The following DYNC1I1 variants were observed in gnomAD, a reference collection of about 807,000 sequenced individuals.
The protein encoded by DYNC1I1 is dynein cytoplasmic 1 intermediate chain 1, also known as cytoplasmic dynein 1 intermediate chain 1.
Under a neutral mutation model 86.6 loss-of-function variants are expected in DYNC1I1, and 43 were observed. The observed-to-expected ratio is 0.50, with a 90% CI of 0.39 to 0.64. The LOEUF is 0.64. DYNC1I1 is among the 30% of genes least tolerant of loss of function. DYNC1I1 has a pLI of 0.00. For missense variants in DYNC1I1, 604 were observed against 788.8 expected (o/e 0.77, Z 2.81); for synonymous variants, 262 against 283.7 (o/e 0.92, Z 0.77).
chr7:95,894,462 G>T (rs1163384043), intron 6 of DYNC1I1, among the ~76,000 whole-genome samples: 2 of 151,992 alleles, frequency 1.3e-5, no homozygotes, highest in African/African-American at 4.8e-5. Flanking sequence ...TGAATTTGGG[G>T]GGGGGACATA....
At chr7:96,083,731 C>T (rs1346602624) in intron 16 of DYNC1I1, among the ~76,000 whole-genome samples, 1 of 152,112 alleles carries the variant, frequency 6.6e-6, no homozygotes, top group Non-Finnish European at 1.5e-5. Flanking sequence ...CAAGAAGAAA[C>T]AAATAAGGTA....
intron 6 of DYNC1I1, among the ~76,000 whole-genome samples, chr7:95,949,822 A>G (rs1792504389): frequency 6.6e-6 from 1 of 152,206 alleles, no homozygotes; most frequent in Non-Finnish European, 1.5e-5. Context: ...AACATCCATC[A>G]TAACCAAAGT....
At chr7:95,787,271 G>T (rs1028254752) in intron 1 of DYNC1I1, among the ~76,000 whole-genome samples, 1 of 152,136 alleles carries the variant, frequency 6.6e-6, no homozygotes, top group Non-Finnish European at 1.5e-5. Flanking sequence ...TGGGCCCTTG[G>T]TTTGGGCTAG....
chr7:95,964,531 C>A (rs1792957408), intron 6 of DYNC1I1, among the ~76,000 whole-genome samples: 1 of 152,194 alleles, frequency 6.6e-6, no homozygotes, highest in South Asian at 2.1e-4. Context: ...ATGCCCAGCC[C>A]TTTCCTAGGC....
In DYNC1I1 at chr7:95,809,124, A is replaced by G. The variant is rs146709109; in HGVS notation, c.109-1268A>G. ...GCTTTCAAATGGTAGTTTTCCCTCT[A>G]ATGACAGATAGACTTCAAAAATATG... is the stretch of plus-strand genomic sequence containing the variant. On this transcript the variant is annotated intron_variant, in intron 2 of 16. Transcript: ENST00000447467. 6.2e-3 allele frequency among the ~76,000 whole-genome samples: 942 copies of G among 152,294 alleles called. 16 individuals are homozygous for G. Among genetic ancestry groups the G allele is most frequent in the African/African-American group, 0.022 (908 of 41,584 alleles).
In DYNC1I1 at chr7:95,863,314, C is replaced by T. The variant is rs117214471; in HGVS notation, c.375-6569C>T. Among the ~76,000 whole-genome samples, 971 of 151,948 alleles carry T rather than the reference C, an allele frequency of 6.4e-3. 6 individuals are homozygous for T. The highest frequency in any genetic ancestry group is 0.011 in the Non-Finnish European group (753 of 67,992). On this transcript the variant is annotated intron_variant, in intron 5 of 16. Transcript: ENST00000447467. ...CATTTATTTCCAAGTAAGTAGAAAA[C>T]ATATTATTAGTGGTTGTCAAGGGCT...
chr7:95,809,565 G>A (rs530979558), intron 2 of DYNC1I1, among the ~76,000 whole-genome samples: 1 of 152,210 alleles, frequency 6.6e-6, no homozygotes, highest in African/African-American at 2.4e-5. Flanking sequence ...GAAGAGACTT[G>A]GAATTTTTAA....
At chr7:95,817,441 C>T (rs975661548) in intron 4 of DYNC1I1, among the ~76,000 whole-genome samples, 1 of 152,030 alleles carries the variant, frequency 6.6e-6, no homozygotes, top group African/African-American at 2.4e-5. Context: ...ACACAACCTA[C>T]CCCATAAGGT....
At chr7:95,782,711 T>A (rs1194725170) in intron 1 of DYNC1I1, among the ~76,000 whole-genome samples, 1 of 152,204 alleles carries the variant, frequency 6.6e-6, no homozygotes, top group Non-Finnish European at 1.5e-5. Flanking sequence ...TTGTCCGGCA[T>A]CCAGGAAGAA....
At chr7:95,947,591 T>C (rs1792436572) in intron 6 of DYNC1I1, among the ~76,000 whole-genome samples, 1 of 152,086 alleles carries the variant, frequency 6.6e-6, no homozygotes, top group Admixed American at 6.5e-5. Flanking sequence ...CCTCCATGTG[T>C]GTTACTCACT....
At chr7:95,915,160 T>C (rs911893110) in intron 6 of DYNC1I1, among the ~76,000 whole-genome samples, 3 of 152,270 alleles carry the variant, frequency 2.0e-5, no homozygotes, top group Non-Finnish European at 4.4e-5. Context: ...GACATTTTTG[T>C]ATGGTCACAA....
chr7:95,814,491 A>C (rs1346595684), intron 4 of DYNC1I1, among the ~76,000 whole-genome samples: 1 of 152,072 alleles, frequency 6.6e-6, no homozygotes, highest in East Asian at 1.9e-4. Flanking sequence ...TTGCCTCCGT[A>C]TGTATTACTG....
At position 95,980,362 on chromosome 7, in the gene DYNC1I1, G is replaced by C. The variant is rs562021601; in HGVS notation, c.580+2761G>C. Among the ~76,000 whole-genome samples the C allele has an allele frequency of 2.0e-5, 3 of 151,206 alleles. No individual in the cohort carries two copies. In the East Asian group the frequency reaches 5.8e-4, roughly 29 times the overall value. ...TTGCAAACTTTTGAAAGAATCTCTA[G>C]CAGATATAATCGTGGCGCCATTCAC... On this transcript the variant is annotated intron_variant, in intron 7 of 16. Transcript: ENST00000447467.
intron 6 of DYNC1I1, among the ~76,000 whole-genome samples, chr7:95,904,149 G>C (rs1426086914): frequency 6.6e-6 from 1 of 152,126 alleles, no homozygotes; most frequent in Non-Finnish European, 1.5e-5. Flanking sequence ...AGTTTAGACT[G>C]CCCTAAATCT....
At chr7:95,968,770 C>T (rs1793083270) in intron 6 of DYNC1I1, among the ~76,000 whole-genome samples, 1 of 151,406 alleles carries the variant, frequency 6.6e-6, no homozygotes. Context: ...GGAGTCCCTC[C>T]TTATTTTCCA....
intron 14 of DYNC1I1, among the ~76,000 whole-genome samples, chr7:96,047,717 A>G (rs1789260058): frequency 6.6e-6 from 1 of 152,162 alleles, no homozygotes; most frequent in Non-Finnish European, 1.5e-5. Context: ...AGGCCAAGGA[A>G]GGATTTTATT....
At chr7:95,905,122 A>G (rs1341988192) in intron 6 of DYNC1I1, among the ~76,000 whole-genome samples, 1 of 152,214 alleles carries the variant, frequency 6.6e-6, no homozygotes, top group Non-Finnish European at 1.5e-5. Flanking sequence ...TTTCACTTAC[A>G]ATGCCTCCAC....
At chr7:95,980,050 C>G (rs1421534714) in intron 7 of DYNC1I1, among the ~76,000 whole-genome samples, 1 of 152,114 alleles carries the variant, frequency 6.6e-6, no homozygotes, top group East Asian at 1.9e-4. Context: ...ACCACCACCC[C>G]AGCCCCAATC....
chr7:96,041,236 C>A (rs142875966), intron 14 of DYNC1I1, among the ~76,000 whole-genome samples: 25 of 152,152 alleles, frequency 1.6e-4, no homozygotes, highest in African/African-American at 5.5e-4. Flanking sequence ...AGATAACAAC[C>A]TCATTTATAA....
Sources: allele counts gnomAD v4.1 joint callset (sites outside exome capture counted in the v4.1 genomes callset), GRCh38; gene constraint gnomAD v4.1.1; transcripts MANE v1.5; gene names NCBI Gene and HGNC (gene_info 2026-07-23, HGNC 2026-07-21).